Variants in RECQL observed in about 807,000 individuals in gnomAD.
RECQL encodes the protein RecQ like helicase.
A neutral mutation model predicts 75.8 loss-of-function variants in RECQL; 73 were observed. The observed-to-expected ratio is 0.96, with a 90% CI of 0.80 to 1.17. The LOEUF is 1.17. Ranked by LOEUF, RECQL falls within the 50% of genes most tolerant of loss-of-function variation. RECQL has a pLI of 0.00. For synonymous variants in RECQL, 248 were observed against 254.4 expected (o/e 0.97, Z 0.24); for missense variants, 699 against 772.1 (o/e 0.91, Z 1.12).
chr12:21,471,509 ACT>A lies in RECQL; in HGVS notation c.1584_1585del (p.Arg528SerfsTer12). 6.2e-7 allele frequency: 1 copy of A among 1,612,680 alleles called. No homozygotes were observed. The highest frequency in any genetic ancestry group is 8.5e-7 in the Non-Finnish European group (1 of 1,179,312). On this transcript the variant is annotated frameshift_variant, in exon 13 of 15. Transcript: ENST00000444129. LOFTEE classifies it high-confidence loss of function. The stretch of plus-strand genomic sequence containing the variant: ...AAGTGTGGGAGCCACAACACCTGCT[ACT>A]CTCAGTTTTGCTGCACCCTTTCCCA...
chr12:21,486,632 T>A (rs2137389204), intron 4 of RECQL, 47 bp from the exon 5 acceptor site: 5 of 718,992 alleles, frequency 7.0e-6, no homozygotes, highest in Non-Finnish European at 1.1e-5. Context: ...TACACCACCC[T>A]CAGAATCAGA....
In RECQL at chr12:21,470,048, A is replaced by C; in HGVS notation, c.*146T>G. ...AATTTTCAAACATTCTCAAAAGTTT[A>C]GATCTTCAGAGATAAGCTCTGAAAA... On this transcript the variant is annotated 3_prime_UTR_variant, in exon 15 of 15. Coordinates refer to ENST00000444129, the MANE Select transcript of RECQL (RefSeq NM_002907.4). 1.5e-6 allele frequency: 1 copy of C among 666,028 alleles called. No homozygotes were observed. The highest frequency in any genetic ancestry group is 2.3e-6 in the Non-Finnish European group (1 of 429,704). The allele number at this position is 666,028 out of a possible 1,614,324, so 41.3% of individuals were successfully genotyped here.
Position 21,474,985 on chromosome 12 carries a change from G to C in RECQL, c.1217-6C>G, listed in dbSNP as rs1433956865. ...TGCTTTCATGTCATCTCGACCTGTG[G>C]TGTGAGAAACCTTGAGATTGCAGAA... On this transcript the variant is annotated splice_polypyrimidine_tract_variant and splice_region_variant and intron_variant, in intron 10 of 14. Coordinates refer to ENST00000444129, the MANE Select transcript of RECQL (RefSeq NM_002907.4). 1 of 1,609,762 alleles carries C rather than the reference G, an allele frequency of 6.2e-7. No homozygotes were observed. Among genetic ancestry groups the C allele is most frequent in the Admixed American group, 1.7e-5 (1 of 59,532 alleles).
chr12:21,493,449 A>T (rs548059369), intron 2 of RECQL, among the ~76,000 whole-genome samples: 37 of 152,170 alleles, frequency 2.4e-4, no homozygotes, highest in Non-Finnish European at 4.6e-4. Context: ...AAGGGACCTC[A>T]AAGTTTCTAT....
intron 2 of RECQL, among the ~76,000 whole-genome samples, chr12:21,494,333 A>G (rs1190394882): frequency 6.6e-6 from 1 of 152,234 alleles, no homozygotes; most frequent in Non-Finnish European, 1.5e-5. Context: ...GGAGACACAT[A>G]TCCAAACTAC....
chr12:21,475,065 A>G, intron 10 of RECQL, 86 bp from the exon 11 acceptor site: 4 of 1,336,722 alleles, frequency 3.0e-6, no homozygotes, highest in Non-Finnish European at 4.2e-6. Flanking sequence ...ATTAGCAGGC[A>G]ATGTTTTATA....
chr12:21,499,722 G>A (rs1943571293), intron 1 of RECQL, 107 bp from the exon 2 acceptor site: 3 of 584,972 alleles, frequency 5.1e-6, no homozygotes, highest in Middle Eastern at 3.5e-4. Flanking sequence ...ATGTTAGAAA[G>A]TAAATTATAT....
intron 6 of RECQL, among the ~76,000 whole-genome samples, chr12:21,479,683 A>C (rs573296501): frequency 2.1e-4 from 32 of 152,332 alleles, no homozygotes; most frequent in African/African-American, 7.5e-4. Context: ...CCTATGCTTC[A>C]TAAATCATCT....
At chr12:21,481,872 AAT>A (rs1479804573) in intron 6 of RECQL, among the ~76,000 whole-genome samples, 1 of 152,054 alleles carries the variant, frequency 6.6e-6, no homozygotes, top group African/African-American at 2.4e-5. Context: ...GTGAGAGGTG[AAT>A]ATATAAAATG....
At chr12:21,482,803 G>T (rs965752688) in intron 6 of RECQL, among the ~76,000 whole-genome samples, 4 of 152,170 alleles carry the variant, frequency 2.6e-5, no homozygotes, top group Admixed American at 2.6e-4. Flanking sequence ...TTGAATTTAA[G>T]ATTTTTTTGC....
intron 12 of RECQL, 55 bp downstream of exon 12, chr12:21,473,496 C>T (rs1352824002): frequency 3.1e-6 from 4 of 1,302,954 alleles, no homozygotes; most frequent in Non-Finnish European, 4.4e-6. Flanking sequence ...GTATCTCTGT[C>T]ACTAGGCATT....
chr12:21,486,670 T>C (rs1484608869), intron 4 of RECQL, 85 bp from the exon 5 acceptor site: 12 of 1,088,132 alleles, frequency 1.1e-5, no homozygotes, highest in African/African-American at 3.8e-5. Flanking sequence ...TTTTTTTTTT[T>C]TTTTTTTTTT....
chr12:21,481,007 C>T (rs1264845336), intron 6 of RECQL, among the ~76,000 whole-genome samples: 2 of 151,918 alleles, frequency 1.3e-5, no homozygotes, highest in East Asian at 3.9e-4. Flanking sequence ...TACTTTTTAC[C>T]TAGTTCACAA....
At chr12:21,470,384 T>C in intron 14 of RECQL, 38 bp from the exon 15 acceptor site, 1 of 1,502,696 alleles carries the variant, frequency 6.7e-7, no homozygotes, top group Non-Finnish European at 8.9e-7. Context: ...AGCACCTTGG[T>C]AAAAATCCAG....
At chr12:21,475,099 G>T in intron 10 of RECQL, 120 bp from the exon 11 acceptor site, 2 of 989,996 alleles carry the variant, frequency 2.0e-6, no homozygotes, top group South Asian at 1.8e-5. Context: ...TTTTAGAGAT[G>T]TGGAAGTTAA....
intron 4 of RECQL, among the ~76,000 whole-genome samples, chr12:21,489,876 G>A (rs1360944432): frequency 6.6e-6 from 1 of 152,162 alleles, no homozygotes; most frequent in Non-Finnish European, 1.5e-5. Context: ...CTCCTTTAGG[G>A]AGAGAGGAGG....
At chr12:21,474,673 A>C (rs1209989624) in intron 11 of RECQL, among the ~76,000 whole-genome samples, 168 bp downstream of exon 11, 2 of 152,134 alleles carry the variant, frequency 1.3e-5, no homozygotes, top group African/African-American at 4.8e-5. Context: ...TTCTTGAACT[A>C]AGGCAGATCA....
chr12:21,484,690 C>T (rs73082674), intron 5 of RECQL, among the ~76,000 whole-genome samples: 2,490 of 152,036 alleles, frequency 0.016, 27 homozygotes, highest in Middle Eastern at 0.027. Flanking sequence ...GATTCAGGAA[C>T]CAACTTAAAG....
intron 6 of RECQL, among the ~76,000 whole-genome samples, chr12:21,480,405 T>C (rs898249601): frequency 2.6e-5 from 4 of 152,122 alleles, no homozygotes; most frequent in African/African-American, 9.7e-5. Flanking sequence ...ATGTAAGACG[T>C]AGGTGCACAG....
Sources: gnomAD v4.1 joint callset for allele counts (sites outside exome capture counted in the v4.1 genomes callset) on GRCh38, gnomAD v4.1.1 for gene constraint, MANE v1.5 for transcripts, NCBI Gene and HGNC (gene_info 2026-07-23, HGNC 2026-07-21) for gene names.